The following DROSHA variants were observed in gnomAD, a reference collection of about 807,000 sequenced individuals.
DROSHA encodes the protein ribonuclease 3.
Under a neutral mutation model 181.9 loss-of-function variants are expected in DROSHA, and 56 were observed. That is an observed-to-expected ratio of 0.31 (90% CI 0.25 to 0.38). The LOEUF (loss-of-function observed/expected upper bound fraction) is 0.38. DROSHA is among the 10% of genes least tolerant of loss of function. The pLI, the probability that DROSHA is intolerant of heterozygous loss-of-function variation, is 1.00. For missense variants in DROSHA, 1,218 were observed against 1,743.5 expected (o/e 0.70, Z 5.37); for synonymous variants, 524 against 591.2 (o/e 0.89, Z 1.65).
rs377337320 is a variant in DROSHA at position 31,454,756 on chromosome 5, T to G, written c.2575-3116A>C. Among the ~76,000 whole-genome samples, 60 of 151,744 alleles carry G rather than the reference T, an allele frequency of 4.0e-4. 2 individuals carry two copies. In the South Asian group the frequency reaches 0.012, roughly 31 times the overall value. On this transcript the variant is annotated intron_variant, in intron 20 of 35. Transcript: ENST00000344624. ...GAGATCGAGATCATCCTGGCTAACA[T>G]GGTGAGACCCCGTCTCTACTAAAAA... is the stretch of plus-strand genomic sequence containing the variant.
intron 11 of DROSHA, among the ~76,000 whole-genome samples, chr5:31,503,324 T>C (rs1180176929): frequency 6.6e-6 from 1 of 152,160 alleles, no homozygotes; most frequent in Admixed American, 6.5e-5. Flanking sequence ...CCAGATACAA[T>C]GACTCATGCT....
intron 9 of DROSHA, among the ~76,000 whole-genome samples, chr5:31,510,684 C>G (rs888747400): frequency 2.0e-5 from 3 of 152,182 alleles, no homozygotes; most frequent in African/African-American, 7.2e-5. Flanking sequence ...CCAGGCGCAC[C>G]TGGCAAAGGA....
rs146937485 is a variant in DROSHA at position 31,429,656 on chromosome 5, A to G, written c.3146-111T>C. 4.7e-5 allele frequency: 36 copies of G among 769,818 alleles called. No homozygotes were observed. In the East Asian group the frequency reaches 9.6e-4, roughly 20 times the overall value. 47.7% of individuals were successfully genotyped at this position (769,818 alleles called of 1,614,324 possible). The stretch of plus-strand genomic sequence containing the variant: ...AAGCCAAAAACTACTCACAGAAAAC[A>G]AATCAACATGTTCAGAAGCAATTGT... On this transcript the variant is annotated intron_variant, in intron 26 of 35. Coordinates refer to ENST00000344624, the MANE Select transcript of DROSHA (RefSeq NM_001382508.1).
chr5:31,495,352 A>T lies in DROSHA; in HGVS notation c.1689T>A (p.Pro563=), dbSNP rs994981805. 13 of 1,613,754 alleles carry T rather than the reference A, an allele frequency of 8.1e-6. No individual in the cohort carries two copies. In the African/African-American group the frequency reaches 1.7e-4, roughly 22 times the overall value. ...AAAGTCTGCCAGCATTGTTGGTCAT[A>T]GGACGACAGGGCTTGATGGCCTGAG... ...PGEEAIKPCR[P]MTNNAGRLFH... Residue 563 remains proline (P), a synonymous_variant, in exon 12 of 36, where the codon CCT becomes CCA. Transcript: ENST00000344624.
At chr5:31,521,485 A>T (rs1349870878) in intron 5 of DROSHA, among the ~76,000 whole-genome samples, 1 of 152,212 alleles carries the variant, frequency 6.6e-6, no homozygotes. Context: ...ATTTTATCCT[A>T]ATCTTCCCTT....
At chr5:31,429,434 T>C (rs1262373148) in intron 27 of DROSHA, 41 bp downstream of exon 27, 10 of 1,539,336 alleles carry the variant, frequency 6.5e-6, no homozygotes, top group Non-Finnish European at 8.9e-6. Flanking sequence ...TATTCTGTAA[T>C]AATATATAAC....
chr5:31,507,359 C>G (rs1211621942), intron 10 of DROSHA, among the ~76,000 whole-genome samples: 2 of 151,500 alleles, frequency 1.3e-5, no homozygotes, highest in East Asian at 3.9e-4. Flanking sequence ...ACTCAGGAGG[C>G]TGAGGCAGGA....
At chr5:31,452,900 T>C (rs1240770025) in intron 20 of DROSHA, among the ~76,000 whole-genome samples, 1 of 152,252 alleles carries the variant, frequency 6.6e-6, no homozygotes, top group Non-Finnish European at 1.5e-5. Context: ...ATCGGCACTT[T>C]ATCCACTTTG....
rs1379977138 is a variant in DROSHA at position 31,470,009 on chromosome 5, T to C, written c.2242-1946A>G. 6.6e-6 allele frequency among the ~76,000 whole-genome samples: 1 copy of C among 152,246 alleles called. No homozygotes were observed. The highest frequency in any genetic ancestry group is 1.9e-4 in the East Asian group (1 of 5,200). On this transcript the variant is annotated intron_variant, in intron 17 of 35. Transcript: ENST00000344624. This position sits in a 1 kb window ranked among gnomAD's most constrained non-coding sequence, Gnocchi z 4.0. ...GTAGTGTGGTGTCTACCTTGTCGTA[T>C]GAGTAACTTGCACACTTCTCAGTAG...
chr5:31,504,831 C>T (rs1737716281), intron 10 of DROSHA, among the ~76,000 whole-genome samples, 196 bp from the exon 11 acceptor site: 1 of 152,168 alleles, frequency 6.6e-6, no homozygotes, highest in Non-Finnish European at 1.5e-5. Context: ...AAAGGGAAAC[C>T]GTGTGACAAC....
At chr5:31,416,573 G>T (rs1377053445) in intron 30 of DROSHA, among the ~76,000 whole-genome samples, 1 of 152,132 alleles carries the variant, frequency 6.6e-6, no homozygotes, top group Non-Finnish European at 1.5e-5. Flanking sequence ...AAAGTTTCCC[G>T]CATCCAGAAG....
rs974683579 is a variant in DROSHA, at chr5:31,508,567, T to A, written c.1587+54A>T. On this transcript the variant is annotated intron_variant, in intron 10 of 35. Coordinates refer to ENST00000344624, the MANE Select transcript of DROSHA (RefSeq NM_001382508.1). ...CATGTATCTTCTGAGCCCAGAGCAA[T>A]AACCGTTATGTCTGGGTTTGCAACC... is the stretch of plus-strand genomic sequence containing the variant. The A allele has an allele frequency of 3.7e-6, 6 of 1,610,208 alleles. No individual in the cohort carries two copies. In the South Asian group the frequency reaches 4.4e-5, roughly 12 times the overall value.
chr5:31,431,366 C>CAAAAAAAAAAAAAAAAAAAAAAAAAA (rs58316191), intron 26 of DROSHA, among the ~76,000 whole-genome samples: 1 of 57,648 alleles, frequency 1.7e-5, no homozygotes, highest in African/African-American at 6.7e-5. Flanking sequence ...CAGTAGAATG[C>CAAAAAAAAAAAAAAAAAAAAAAAAAA]AAAAAAAAAA....
In DROSHA at chr5:31,409,439, C is replaced by T. The variant is rs1741034797; in HGVS notation, c.3668-107G>A. 1 of 952,662 alleles carries T rather than the reference C, an allele frequency of 1.0e-6. No individual in the cohort carries two copies. The highest frequency in any genetic ancestry group is 1.6e-6 in the Non-Finnish European group (1 of 639,146). 59.0% of individuals were successfully genotyped at this position (952,662 alleles called of 1,614,324 possible). ...AAATTTTAGTAATAGTTTCAACTTCCAGGCCCTCTTTATTTTTCAGTGCTA... is the reference window on the plus strand; with the variant it reads ...AAATTTTAGTAATAGTTTCAACTTCTAGGCCCTCTTTATTTTTCAGTGCTA... On this transcript the variant is annotated intron_variant, in intron 31 of 35. Coordinates refer to ENST00000344624, the MANE Select transcript of DROSHA (RefSeq NM_001382508.1). This position sits in a 1 kb window ranked among gnomAD's most constrained non-coding sequence, Gnocchi z 4.0.
At chr5:31,436,197 C>T (rs1016050217) in intron 24 of DROSHA, among the ~76,000 whole-genome samples, 2 of 152,122 alleles carry the variant, frequency 1.3e-5, no homozygotes, top group African/African-American at 4.8e-5. Flanking sequence ...GAAACAAATG[C>T]TTTTCCTTGG....
chr5:31,513,336 C>G (rs1738907574), intron 8 of DROSHA, among the ~76,000 whole-genome samples: 1 of 152,184 alleles, frequency 6.6e-6, no homozygotes, highest in South Asian at 2.1e-4. Flanking sequence ...GCCATGGCCT[C>G]CCTCCAGGTA....
At chr5:31,500,738 G>C (rs933448608) in intron 11 of DROSHA, among the ~76,000 whole-genome samples, 2 of 152,174 alleles carry the variant, frequency 1.3e-5, no homozygotes, top group Admixed American at 1.3e-4. Context: ...AGCAGTAATA[G>C]GGATGACAGA....
chr5:31,506,921 A>T (rs1311900236), intron 10 of DROSHA, among the ~76,000 whole-genome samples: 2 of 152,202 alleles, frequency 1.3e-5, no homozygotes, highest in Non-Finnish European at 2.9e-5. Context: ...ACAGCATTAG[A>T]AAGACTGTTT....
intron 11 of DROSHA, among the ~76,000 whole-genome samples, chr5:31,497,734 C>T (rs764931587): frequency 2.9e-4 from 44 of 152,348 alleles, no homozygotes; most frequent in Non-Finnish European, 4.4e-4. Context: ...ATCCCATCAC[C>T]ATCCCCAGCT....
Sources: gnomAD v4.1 joint callset for allele counts (sites outside exome capture counted in the v4.1 genomes callset) on GRCh38, gnomAD v4.1.1 for gene constraint, Gnocchi (gnomAD v3.1) non-coding constraint, MANE v1.5 for transcripts, NCBI Gene and HGNC (gene_info 2026-07-23, HGNC 2026-07-21) for gene names.